The following CDK14 variants were observed in gnomAD, a reference collection of about 807,000 sequenced individuals.
CDK14 encodes cyclin dependent kinase 14, also known as cyclin-dependent kinase 14.
Under a neutral mutation model 60.7 loss-of-function variants are expected in CDK14, and 34 were observed. That is an observed-to-expected ratio of 0.56 (90% CI 0.43 to 0.75). CDK14 has a LOEUF of 0.75. CDK14 is among the 30% of genes least tolerant of loss of function. The pLI, the probability that CDK14 is intolerant of heterozygous loss-of-function variation, is 0.00. For missense variants in CDK14, 482 were observed against 564.1 expected (o/e 0.85, Z 1.47); for synonymous variants, 197 against 203.7 (o/e 0.97, Z 0.28).
At chr7:91,012,489 A>G (rs1796190830) in intron 10 of CDK14, among the ~76,000 whole-genome samples, 1 of 152,148 alleles carries the variant, frequency 6.6e-6, no homozygotes, top group African/African-American at 2.4e-5. Context: ...CTGGACTTCC[A>G]GCTATGTGTC....
intron 10 of CDK14, among the ~76,000 whole-genome samples, chr7:90,993,087 G>A (rs1486545001): frequency 1.3e-5 from 2 of 152,150 alleles, no homozygotes; most frequent in Non-Finnish European, 2.9e-5. Context: ...GACCCAGAGA[G>A]TGCTTTTTTT....
chr7:91,060,815 C>G (rs1066805), intron 11 of CDK14, among the ~76,000 whole-genome samples: 7 of 151,980 alleles, frequency 4.6e-5, no homozygotes, highest in Non-Finnish European at 2.9e-5. Context: ...CGACCTTTCT[C>G]TCTGGCTGCC....
At chr7:91,023,625 T>C (rs1796490822) in intron 10 of CDK14, among the ~76,000 whole-genome samples, 1 of 152,226 alleles carries the variant, frequency 6.6e-6, no homozygotes, top group Non-Finnish European at 1.5e-5. Context: ...TTACCACTAC[T>C]ATTGTTGTCA....
intron 14 of CDK14, among the ~76,000 whole-genome samples, chr7:91,201,505 C>T (rs891292890): frequency 6.6e-6 from 1 of 151,122 alleles, no homozygotes; most frequent in African/African-American, 2.4e-5. Flanking sequence ...AAAAAGAGTA[C>T]TTTGAGGAAG....
chr7:90,858,713 A>G (rs1320357488), intron 5 of CDK14, among the ~76,000 whole-genome samples: 1 of 152,160 alleles, frequency 6.6e-6, no homozygotes, highest in African/African-American at 2.4e-5. Context: ...GTGGTTTGAA[A>G]TAATGATCTC....
At chr7:90,601,949 TG>T (rs1799324917) in intron 1 of CDK14, among the ~76,000 whole-genome samples, 2 of 151,660 alleles carry the variant, frequency 1.3e-5, no homozygotes, top group African/African-American at 4.9e-5. Context: ...TATGTATGTA[TG>T]TATGTATGTA....
At chr7:90,897,278 T>C (rs1240840292) in intron 6 of CDK14, among the ~76,000 whole-genome samples, 1 of 152,080 alleles carries the variant, frequency 6.6e-6, no homozygotes, top group African/African-American at 2.4e-5. Flanking sequence ...ACTTTCTGGA[T>C]TTTTGGTATT....
chr7:91,022,308 C>T (rs1562871873), intron 10 of CDK14, among the ~76,000 whole-genome samples: 1 of 152,180 alleles, frequency 6.6e-6, no homozygotes, highest in Non-Finnish European at 1.5e-5. Context: ...GGTTTCTCAG[C>T]TACTGACAAT....
intron 7 of CDK14, among the ~76,000 whole-genome samples, chr7:90,907,247 A>G (rs565101361): frequency 6.6e-6 from 1 of 152,114 alleles, no homozygotes; most frequent in African/African-American, 2.4e-5. Flanking sequence ...AAGACCATTC[A>G]CTGTGAATTA....
chr7:90,664,611 A>G lies in CDK14; in HGVS notation c.123+60362A>G, dbSNP rs1035560653. ...ACACCATGGAATACTATGCAGCCAT[A>G]AAAAATGATGAGTTCATGTCCTTTG... On this transcript the variant is annotated intron_variant, in intron 2 of 14. Transcript: ENST00000380050. 1.1e-4 allele frequency among the ~76,000 whole-genome samples: 16 copies of G among 152,210 alleles called. No individual in the cohort carries two copies. The East Asian group carries it at 1.2e-3, about 11-fold the overall frequency.
chr7:90,999,842 G>A (rs1440972027), intron 10 of CDK14, among the ~76,000 whole-genome samples: 1 of 152,158 alleles, frequency 6.6e-6, no homozygotes, highest in Non-Finnish European at 1.5e-5. Context: ...AGTTTTAAGA[G>A]TGGCCTATTT....
Position 90,955,743 on chromosome 7 carries a change from A to G in CDK14, c.873A>G (p.Glu291=). Reference sequence around the variant, plus strand: ...TCCCTAGCCACACATACTCCAACGAAGTGGTTACCTTGTGGTACAGACCTC... The same window carrying G: ...TCCCTAGCCACACATACTCCAACGAGGTGGTTACCTTGTGGTACAGACCTC... The part of the protein sequence containing the change: ...KSVPSHTYSN[E]VVTLWYRPPD... The change falls in exon 9 of 15, where the codon GAA becomes GAG. Residue 291 remains glutamate, a synonymous_variant. Coordinates refer to ENST00000380050, the MANE Select transcript of CDK14 (RefSeq NM_001287135.2). The G allele has an allele frequency of 6.2e-7, 1 of 1,613,508 alleles. No individual in the cohort carries two copies. Among genetic ancestry groups the G allele is most frequent in the Non-Finnish European group, 8.5e-7 (1 of 1,179,544 alleles).
intron 2 of CDK14, among the ~76,000 whole-genome samples, chr7:90,645,153 A>G (rs1584764953): frequency 1.3e-5 from 2 of 152,308 alleles, no homozygotes; most frequent in African/African-American, 2.4e-5. Flanking sequence ...GTTCTTCTCA[A>G]CATGTTTATA....
intron 11 of CDK14, among the ~76,000 whole-genome samples, chr7:91,057,222 T>A (rs1198885905): frequency 6.6e-6 from 1 of 152,206 alleles, no homozygotes; most frequent in African/African-American, 2.4e-5. Context: ...GAGAAGTGTC[T>A]GTTCATATCC....
intron 4 of CDK14, among the ~76,000 whole-genome samples, chr7:90,787,570 C>A (rs1033934547): frequency 1.3e-5 from 2 of 152,080 alleles, no homozygotes; most frequent in Middle Eastern, 3.2e-3. Flanking sequence ...ACTATTATAA[C>A]AGCATTAATA....
intron 5 of CDK14, among the ~76,000 whole-genome samples, chr7:90,804,937 C>T (rs538614282): frequency 1.2e-3 from 185 of 152,112 alleles, no homozygotes; most frequent in African/African-American, 3.8e-3. Flanking sequence ...CTTTAAAAAA[C>T]GCTATCTTGT....
intron 11 of CDK14, among the ~76,000 whole-genome samples, chr7:91,071,086 A>G (rs1798129425): frequency 1.3e-5 from 2 of 152,240 alleles, no homozygotes; most frequent in South Asian, 2.1e-4. Context: ...TATTTACAAA[A>G]TAAATTCCAG....
chr7:91,070,881 C>G (rs1161443610), intron 11 of CDK14, among the ~76,000 whole-genome samples: 1 of 150,616 alleles, frequency 6.6e-6, no homozygotes, highest in Non-Finnish European at 1.5e-5. Context: ...AGAAGAGCCA[C>G]TCTAATTAAA....
intron 14 of CDK14, among the ~76,000 whole-genome samples, chr7:91,138,183 A>G (rs1049724627): frequency 7.9e-5 from 12 of 152,204 alleles, no homozygotes; most frequent in African/African-American, 2.9e-4. Context: ...GTTTTGGGTT[A>G]TAGTGTAGCT....
Sources: gnomAD v4.1 joint callset for allele counts (sites outside exome capture counted in the v4.1 genomes callset) on GRCh38, gnomAD v4.1.1 for gene constraint, MANE v1.5 for transcripts, NCBI Gene and HGNC (gene_info 2026-07-23, HGNC 2026-07-21) for gene names.